Variants in RASGRP3 observed in about 807,000 individuals in gnomAD.
RASGRP3 encodes RAS guanyl releasing protein 3.
Under a neutral mutation model 82.7 loss-of-function variants are expected in RASGRP3, and 54 were observed. That is an observed-to-expected ratio of 0.65 (90% CI 0.52 to 0.82). The LOEUF is 0.82. Among genes scored for constraint, RASGRP3 ranks in the 40% least tolerant of loss-of-function variants. RASGRP3 has a pLI of 0.00. For missense variants in RASGRP3, 861 were observed against 828.9 expected (o/e 1.04, Z -0.48); for synonymous variants, 309 against 300.5 (o/e 1.03, Z -0.29).
intron 2 of RASGRP3, among the ~76,000 whole-genome samples, chr2:33,470,920 ATTC>A (rs1667025595): frequency 6.6e-6 from 1 of 152,116 alleles, no homozygotes; most frequent in African/African-American, 2.4e-5. Flanking sequence ...TTCTCATAAA[ATTC>A]TTCTTTAGTT....
rs567528285 is a variant in RASGRP3 at position 33,462,356 on chromosome 2, G to A, written c.-261+14413G>A. On this transcript the variant is annotated intron_variant, in intron 2 of 18. Transcript: ENST00000402538. Reference sequence around the variant, plus strand: ...TAGAGTTTGCATTTGAGAACAAGAGGATGTAGAGGTTTTTTTTTTTTGTTT... The same window carrying A: ...TAGAGTTTGCATTTGAGAACAAGAGAATGTAGAGGTTTTTTTTTTTTGTTT... 2.4e-4 allele frequency among the ~76,000 whole-genome samples: 37 copies of A among 151,038 alleles called. No homozygotes were observed. The South Asian group carries it at 6.1e-3, about 25-fold the overall frequency.
At chr2:33,477,540 G>A (rs910254242) in intron 1 of RASGRP3, among the ~76,000 whole-genome samples, 4 of 152,174 alleles carry the variant, frequency 2.6e-5, no homozygotes, top group African/African-American at 9.7e-5. Flanking sequence ...GATTAACTCT[G>A]GGAGGCCTGG....
chr2:33,469,062 A>G (rs574257308), intron 2 of RASGRP3, among the ~76,000 whole-genome samples: 37 of 152,314 alleles, frequency 2.4e-4, no homozygotes, highest in African/African-American at 8.7e-4. Flanking sequence ...ATAGATAATA[A>G]ATTGTATCTT....
intron 1 of RASGRP3, among the ~76,000 whole-genome samples, chr2:33,477,573 G>C (rs929096316): frequency 6.6e-6 from 1 of 152,212 alleles, no homozygotes; most frequent in Non-Finnish European, 1.5e-5. Flanking sequence ...GGAGAGAACC[G>C]GCTCCTTCTC....
chr2:33,518,261 C>G (rs75814686), intron 4 of RASGRP3, among the ~76,000 whole-genome samples: 2 of 152,102 alleles, frequency 1.3e-5, no homozygotes, highest in African/African-American at 2.4e-5. Context: ...TACAGCATGT[C>G]GCTGTACTGA....
At chr2:33,456,106 A>G (rs1008674272) in intron 2 of RASGRP3, among the ~76,000 whole-genome samples, 2 of 152,096 alleles carry the variant, frequency 1.3e-5, no homozygotes, top group African/African-American at 2.4e-5. Flanking sequence ...TATTTTTGGT[A>G]TAAAGAATTT....
Position 33,451,649 on chromosome 2 carries a change from A to G in RASGRP3, c.-261+3706A>G, listed in dbSNP as rs764833894. 4.6e-5 allele frequency among the ~76,000 whole-genome samples: 7 copies of G among 152,020 alleles called. No homozygotes were observed. The East Asian group carries it at 1.3e-3, about 29-fold the overall frequency. On this transcript the variant is annotated intron_variant, in intron 2 of 18. Coordinates refer to the RASGRP3 transcript ENST00000402538. ...TCGATTTCATTTACTGCTGCTTTCA[A>G]AGTTTTTTCTTTGTCTTTTGAGAAT...
chr2:33,498,254 A>C (rs1669518222), intron 1 of RASGRP3, among the ~76,000 whole-genome samples: 2 of 152,180 alleles, frequency 1.3e-5, no homozygotes, highest in Admixed American at 1.3e-4. Flanking sequence ...TCTCATAACA[A>C]CCCTACAACA....
chr2:33,483,026 C>A (rs978108773), intron 1 of RASGRP3: 13 of 141,858 alleles, frequency 9.2e-5, no homozygotes, highest in African/African-American at 3.7e-4. Flanking sequence ...CAAAAGGGAA[C>A]AACTATAATT....
At chr2:33,556,258 T>TTTTTTTTTTTTTTTTGTG in intron 15 of RASGRP3, among the ~76,000 whole-genome samples, 1 of 51,458 alleles carries the variant, frequency 1.9e-5, no homozygotes, top group East Asian at 4.7e-4. Context: ...TTTTTTTTTT[T>TTTTTTTTTTTTTTTTGTG]GAGACGGAGT....
chr2:33,523,862 G>A lies in RASGRP3; in HGVS notation c.517-17G>A, dbSNP rs371423697. The stretch of plus-strand genomic sequence containing the variant: ...GGCTCTATTATAATTCAGAGTCTCT[G>A]AATCTTCCTTTCCTAGTTCACTGAT... On this transcript the variant is annotated splice_polypyrimidine_tract_variant and intron_variant, in intron 7 of 17. Coordinates refer to ENST00000403687, the MANE Select transcript of RASGRP3 (RefSeq NM_001139488.2). The A allele has an allele frequency of 2.1e-5, 34 of 1,594,276 alleles. No individual in the cohort carries two copies. The African/African-American group carries it at 2.2e-4, about 10-fold the overall frequency.
chr2:33,545,057 A>G (rs1178883514), intron 13 of RASGRP3, among the ~76,000 whole-genome samples: 1 of 152,258 alleles, frequency 6.6e-6, no homozygotes, highest in Non-Finnish European at 1.5e-5. Flanking sequence ...TGTTACTATT[A>G]GTGACATGTA....
intron 15 of RASGRP3, among the ~76,000 whole-genome samples, chr2:33,557,933 C>G (rs1676184290): frequency 6.6e-6 from 1 of 152,098 alleles, no homozygotes; most frequent in South Asian, 2.1e-4. Flanking sequence ...AGGCTGGACT[C>G]TATTTACTCC....
At chr2:33,463,592 CTTTTTTTTTTTTTTT>C (rs56748259) in intron 2 of RASGRP3, among the ~76,000 whole-genome samples, 1,290 of 70,334 alleles carry the variant, frequency 0.018, 29 homozygotes, top group Admixed American at 0.023. Context: ...CTCCTTCACT[CTTTTTTTTTTTTTTT>C]TTTTTTTTTG....
At chr2:33,498,616 A>G (rs1298417778) in intron 1 of RASGRP3, among the ~76,000 whole-genome samples, 3 of 152,156 alleles carry the variant, frequency 2.0e-5, no homozygotes, top group Non-Finnish European at 2.9e-5. Flanking sequence ...TGAAGACCTC[A>G]CCATCCTCTG....
intron 2 of RASGRP3, among the ~76,000 whole-genome samples, chr2:33,458,560 C>T (rs1666171071): frequency 6.6e-6 from 1 of 152,104 alleles, no homozygotes; most frequent in Non-Finnish European, 1.5e-5. Flanking sequence ...AATTCCATAC[C>T]AGGAGGAGTA....
rs561070635 is a variant in RASGRP3 at position 33,462,686 on chromosome 2, G to C, written c.-261+14743G>C. ...AGCCACTGCGCCGGCCAGATGTAGA[G>C]TTTCTAACTGCACTTTTCCTGTGAT... On this transcript the variant is annotated intron_variant, in intron 2 of 18. Coordinates refer to the RASGRP3 transcript ENST00000402538. Among the ~76,000 whole-genome samples, 4 of 152,262 alleles carry C rather than the reference G, an allele frequency of 2.6e-5. No individual in the cohort carries two copies. In the East Asian group the frequency reaches 7.7e-4, roughly 29 times the overall value.
chr2:33,460,155 A>G (rs987287036), intron 2 of RASGRP3, among the ~76,000 whole-genome samples: 3 of 152,248 alleles, frequency 2.0e-5, no homozygotes, highest in Non-Finnish European at 4.4e-5. Context: ...TATTCAGATA[A>G]TGAATAAACT....
chr2:33,470,757 G>A (rs577865237), intron 2 of RASGRP3, among the ~76,000 whole-genome samples: 15 of 152,156 alleles, frequency 9.9e-5, no homozygotes, highest in Admixed American at 5.9e-4. Flanking sequence ...TAATTGTTCC[G>A]TGGCCAGAAC....
Sources: allele counts gnomAD v4.1 joint callset (sites outside exome capture counted in the v4.1 genomes callset), GRCh38; gene constraint gnomAD v4.1.1; transcripts MANE v1.5; gene names NCBI Gene and HGNC (gene_info 2026-07-23, HGNC 2026-07-21).